ALDH16A1: variants seen among roughly 807,000 people sequenced by gnomAD.
The protein encoded by ALDH16A1 is aldehyde dehydrogenase family 16 member A1.
A neutral mutation model predicts 96.1 loss-of-function variants in ALDH16A1; 88 were observed. The observed-to-expected ratio is 0.92, with a 90% CI of 0.77 to 1.09. The LOEUF (loss-of-function observed/expected upper bound fraction) is 1.09. Among genes scored for constraint, ALDH16A1 ranks in the 50% least tolerant of loss-of-function variants. The pLI is 0.00. For missense variants in ALDH16A1, 1,250 were observed against 1,112.6 expected (o/e 1.12, Z -1.76); for synonymous variants, 522 against 496.4 (o/e 1.05, Z -0.69).
chr19:49,463,821 A>G (rs2079174135), intron 8 of ALDH16A1, 33 bp from the exon 9 acceptor site: 6 of 1,596,106 alleles, frequency 3.8e-6, no homozygotes, highest in African/African-American at 1.3e-5. Context: ...GGAAGGGACC[A>G]GAAGTCGACT....
intron 5 of ALDH16A1, among the ~76,000 whole-genome samples, chr19:49,461,134 A>G (rs2079138890): frequency 7.6e-6 from 1 of 131,246 alleles, no homozygotes. Context: ...AGTCTGAGGG[A>G]GGAGGGGCTG....
chr19:49,459,896 TG>T lies in ALDH16A1; in HGVS notation c.499+49del. On this transcript the variant is annotated intron_variant, in intron 4 of 16. Transcript: ENST00000293350. This position sits in a 1 kb window ranked among gnomAD's most constrained non-coding sequence, Gnocchi z 4.1. ...CCTATCCTCCCACATGACTCAGCAG[TG>T]CTAGCTCCAGTCCCCTCATTCTTTT... 6.4e-7 allele frequency: 1 copy of T among 1,562,206 alleles called. No individual in the cohort carries two copies. Among genetic ancestry groups the T allele is most frequent in the South Asian group, 1.2e-5 (1 of 83,882 alleles).
At chr19:49,463,777 A>C (rs1418499166) in intron 8 of ALDH16A1, 77 bp from the exon 9 acceptor site, 6 of 1,361,866 alleles carry the variant, frequency 4.4e-6, no homozygotes, top group Non-Finnish European at 6.1e-6. Flanking sequence ...CTGAGGGAGG[A>C]GGGGCTGGGG....
rs371888052 is a variant in ALDH16A1 at position 49,461,902 on chromosome 19, C to T, written c.778C>T (p.Arg260Trp). 1.1e-4 allele frequency: 178 copies of T among 1,581,280 alleles called. No individual in the cohort carries two copies. Among genetic ancestry groups the T allele is most frequent in the African/African-American group, 4.1e-5 (3 of 73,926 alleles). ...TCCCTAGGAAGGGCGTGCCCTTCGA[C>T]GGAGCCTGGCGGGAGAGTGTGCGGA... Reference protein sequence around the residue: ...GAPEEGRALRRSLAGECAELG... With the variant: ...GAPEEGRALRWSLAGECAELG... Residue 260 changes from arginine to tryptophan, a missense_variant, in exon 7 of 17, where the codon CGG (arginine) becomes TGG (tryptophan). Coordinates refer to ENST00000293350, the MANE Select transcript of ALDH16A1 (RefSeq NM_153329.4).
At chr19:49,457,705 G>A (rs2079113500) in intron 1 of ALDH16A1, among the ~76,000 whole-genome samples, 1 of 151,728 alleles carries the variant, frequency 6.6e-6, no homozygotes, top group Admixed American at 6.6e-5. Flanking sequence ...TACCTCCTGG[G>A]CTCAAGTGAT....
At position 49,459,027 on chromosome 19, in the gene ALDH16A1, G is replaced by A. The variant is rs2079121894; in HGVS notation, c.261G>A (p.Arg87=). Residue 87 remains arginine, a synonymous_variant, in exon 3 of 17, where the codon AGG becomes AGA. Coordinates refer to ENST00000293350, the MANE Select transcript of ALDH16A1 (RefSeq NM_153329.4). The surrounding 1 kb of genome is among the most constrained non-coding windows in gnomAD (Gnocchi z 4.1). Reference sequence around the variant, plus strand: ...TGGCTGCAGCCGTGGAGGCAGCCAGGATGGCATTTAAGGGCTGGAGTGCGC... The same window carrying A: ...TGGCTGCAGCCGTGGAGGCAGCCAGAATGGCATTTAAGGGCTGGAGTGCGC... ...EDVAAAVEAA[R]MAFKGWSAHP... 6.2e-7 allele frequency: 1 copy of A among 1,613,464 alleles called. No homozygotes were observed.
intron 14 of ALDH16A1, among the ~76,000 whole-genome samples, chr19:49,467,112 G>T (rs1296925773): frequency 1.3e-5 from 2 of 152,180 alleles, no homozygotes; most frequent in Non-Finnish European, 2.9e-5. Flanking sequence ...CAACCTCCGA[G>T]GTCCAAGTGA....
At chr19:49,454,108 A>C (rs1347828639) in intron 1 of ALDH16A1, among the ~76,000 whole-genome samples, 1 of 145,282 alleles carries the variant, frequency 6.9e-6, no homozygotes, top group Non-Finnish European at 1.5e-5. Context: ...CTGCAGCCTC[A>C]ACCTCCTGGG....
intron 14 of ALDH16A1, 143 bp downstream of exon 14, chr19:49,466,426 C>T: frequency 1.1e-6 from 1 of 879,920 alleles, no homozygotes; most frequent in South Asian, 2.0e-5. Context: ...CTTCACCTCT[C>T]CCTACCTCAG....
rs61732839 is a variant in ALDH16A1, at chr19:49,466,244, G to T, written c.1899G>T (p.Ala633=). 15 of 1,485,890 alleles carry T rather than the reference G, an allele frequency of 1.0e-5. No homozygotes were observed. The highest frequency in any genetic ancestry group is 7.1e-5 in the East Asian group (3 of 42,122). The allele number at this position is 1,485,890 out of a possible 1,614,324, so 92.0% of individuals were successfully genotyped here. A position where few individuals can be genotyped will look rare whatever the true frequency, so the allele number is the denominator to read the frequency against. The part of the protein sequence containing the change: ...EVELSARRLR[A]WGARVQAQGH... The stretch of plus-strand genomic sequence containing the variant: ...AGCTGAGCGCAAGACGACTTCGGGC[G>T]TGGGGGGCCCGGGTGCAGGCCCAAG... Residue 633 remains alanine, a synonymous_variant, in exon 14 of 17, where the codon GCG becomes GCT. Coordinates refer to ENST00000293350, the MANE Select transcript of ALDH16A1 (RefSeq NM_153329.4).
intron 1 of ALDH16A1, among the ~76,000 whole-genome samples, chr19:49,457,020 A>G (rs2079108303): frequency 6.6e-6 from 1 of 151,982 alleles, no homozygotes; most frequent in African/African-American, 2.4e-5. Context: ...AGGTAGGAGA[A>G]TCACGTGAAC....
rs2079237833 is a variant in ALDH16A1 at position 49,470,613 on chromosome 19, G to C, written c.*146G>C. ...TAGCTGTGCTTCTGCGAGAAGAAAG[G>C]GTGTAGCAACTTCTGGCAGATATGA... On this transcript the variant is annotated 3_prime_UTR_variant, in exon 17 of 17. Coordinates refer to ENST00000293350, the MANE Select transcript of ALDH16A1 (RefSeq NM_153329.4). 6 of 871,196 alleles carry C rather than the reference G, an allele frequency of 6.9e-6. No homozygotes were observed. The highest frequency in any genetic ancestry group is 7.8e-6 in the Non-Finnish European group (5 of 638,118). The allele number at this position is 871,196 out of a possible 1,614,324, so 54.0% of individuals were successfully genotyped here.
Position 49,468,692 on chromosome 19 carries a change from C to G in ALDH16A1, c.2124+126C>G. ...GTGGTACCCATGCTGCCCCCAGCCC[C>G]AGCACCCAAACCTTCACTCCTTGGG... On this transcript the variant is annotated intron_variant, in intron 15 of 16. Coordinates refer to ENST00000293350, the MANE Select transcript of ALDH16A1 (RefSeq NM_153329.4). The surrounding 1 kb of genome is among the most constrained non-coding windows in gnomAD (Gnocchi z 4.4). 1 of 1,396,018 alleles carries G rather than the reference C, an allele frequency of 7.2e-7. No individual in the cohort carries two copies. The highest frequency in any genetic ancestry group is 9.7e-7 in the Non-Finnish European group (1 of 1,031,276). The allele number at this position is 1,396,018 out of a possible 1,614,324, so 86.5% of individuals were successfully genotyped here.
Position 49,470,469 on chromosome 19 carries a change from G to A in ALDH16A1, c.*2G>A. On this transcript the variant is annotated 3_prime_UTR_variant, in exon 17 of 17. Coordinates refer to ENST00000293350, the MANE Select transcript of ALDH16A1 (RefSeq NM_153329.4). ...CTGTGGCTGCCTATGGGGGACTGAT[G>A]CCTGAGCGCCACCTACTGCATTTTG... 3 of 1,558,312 alleles carry A rather than the reference G, an allele frequency of 1.9e-6. No individual in the cohort carries two copies. The highest frequency in any genetic ancestry group is 2.6e-6 in the Non-Finnish European group (3 of 1,154,970).
At position 49,459,870 on chromosome 19, in the gene ALDH16A1, C is replaced by A. The variant is rs1278953150; in HGVS notation, c.499+22C>A. On this transcript the variant is annotated intron_variant, in intron 4 of 16. Transcript: ENST00000293350. The surrounding 1 kb of genome is among the most constrained non-coding windows in gnomAD (Gnocchi z 4.1). ...ATGGGTGAGACCCTGGAGTCCCTAGCCCTATCCTCCCACATGACTCAGCAG... is the reference window on the plus strand; with the variant it reads ...ATGGGTGAGACCCTGGAGTCCCTAGACCTATCCTCCCACATGACTCAGCAG... The A allele has an allele frequency of 1.2e-6, 2 of 1,602,966 alleles. No homozygotes were observed. Among genetic ancestry groups the A allele is most frequent in the African/African-American group, 1.3e-5 (1 of 74,198 alleles).
At position 49,468,179 on chromosome 19, in the gene ALDH16A1, G is replaced by A; in HGVS notation, c.1939-202G>A. 1.9e-6 allele frequency: 1 copy of A among 515,260 alleles called. No individual in the cohort carries two copies. The highest frequency in any genetic ancestry group is 3.5e-5 in the Admixed American group (1 of 28,818). 31.9% of individuals were successfully genotyped at this position (515,260 alleles called of 1,614,324 possible). A position where few individuals can be genotyped will look rare whatever the true frequency, so the allele number is the denominator to read the frequency against. On this transcript the variant is annotated intron_variant, in intron 14 of 16. Coordinates refer to ENST00000293350, the MANE Select transcript of ALDH16A1 (RefSeq NM_153329.4). The surrounding 1 kb of genome is among the most constrained non-coding windows in gnomAD (Gnocchi z 4.4). Reference sequence around the variant, plus strand: ...CGTCTCAAAAAAAAAAAAAAAGAAAGGCGGTTATGCAGGATGTTTCTCACC... The same window carrying A: ...CGTCTCAAAAAAAAAAAAAAAGAAAAGCGGTTATGCAGGATGTTTCTCACC...
At chr19:49,458,652 A>G in intron 2 of ALDH16A1, 64 bp downstream of exon 2, 1 of 1,490,572 alleles carries the variant, frequency 6.7e-7, no homozygotes, top group Non-Finnish European at 9.2e-7. Context: ...CCTACCCACC[A>G]ACACCCATTC....
rs776143649 is a variant in ALDH16A1 at position 49,461,969 on chromosome 19, C to T, written c.845C>T (p.Thr282Met). The change falls in exon 7 of 17, where the codon ACG becomes ATG. Residue 282 changes from threonine (T) to methionine (M), a missense_variant. By Grantham distance (81) the Thr-to-Met change is moderately conservative. Transcript: ENST00000293350. ...ALGTESLLLL[T>M]DTADVDSAVE... ...GGGACGGAGTCGCTGCTGCTGCTGA[C>T]GGACACGGCGGACGTAGACTCGGCC... 1.1e-5 allele frequency: 17 copies of T among 1,554,820 alleles called. No individual in the cohort carries two copies. The East Asian group carries it at 2.4e-4, about 22-fold the overall frequency.
Position 49,470,602 on chromosome 19 carries a change from C to A in ALDH16A1, c.*135C>A. 1 of 975,840 alleles carries A rather than the reference C, an allele frequency of 1.0e-6. No homozygotes were observed. Among genetic ancestry groups the A allele is most frequent in the Non-Finnish European group, 1.4e-6 (1 of 732,520 alleles). The allele number at this position is 975,840 out of a possible 1,614,324, so 60.4% of individuals were successfully genotyped here. A position where few individuals can be genotyped will look rare whatever the true frequency, so the allele number is the denominator to read the frequency against. ...CTGACCAACCCTAGCTGTGCTTCTG[C>A]GAGAAGAAAGGGTGTAGCAACTTCT... On this transcript the variant is annotated 3_prime_UTR_variant, in exon 17 of 17. Coordinates refer to ENST00000293350, the MANE Select transcript of ALDH16A1 (RefSeq NM_153329.4).
Sources: allele counts gnomAD v4.1 joint callset (sites outside exome capture counted in the v4.1 genomes callset), GRCh38; gene constraint gnomAD v4.1.1; non-coding constraint Gnocchi (gnomAD v3.1); transcripts MANE v1.5; gene names NCBI Gene and HGNC (gene_info 2026-07-23, HGNC 2026-07-21).